LRRC38: variants seen among roughly 807,000 people sequenced by gnomAD.
The protein encoded by LRRC38 is leucine-rich repeat-containing protein 38.
In LRRC38, 5 loss-of-function variants were observed where a neutral mutation model predicts 16.4. That is an observed-to-expected ratio of 0.31 (90% CI 0.16 to 0.64). LRRC38 has a LOEUF of 0.64. LRRC38 is among the 30% of genes least tolerant of loss of function. LRRC38 has a pLI of 0.80. For synonymous variants in LRRC38, 191 were observed against 190.2 expected, an observed-to-expected ratio of 1.00 and a Z score of -0.04; for missense variants, 341 against 401.8, an observed-to-expected ratio of 0.85 and a Z score of 1.29.
intron 1 of LRRC38, among the ~76,000 whole-genome samples, chr1:13,503,689 A>T (rs72646371): frequency 0.03 from 4,511 of 152,260 alleles, 112 homozygotes; most frequent in Non-Finnish European, 0.045. Context: ...TACCTGGGAA[A>T]ATCCACTCTC....
At chr1:13,477,136 G>A (rs1017395065) in intron 1 of LRRC38, among the ~76,000 whole-genome samples, 9 of 152,196 alleles carry the variant, frequency 5.9e-5, no homozygotes, top group Non-Finnish European at 8.8e-5. Context: ...GATGGATTTC[G>A]CCATGTTGCC....
chr1:13,507,598 G>A (rs528348689), intron 1 of LRRC38, among the ~76,000 whole-genome samples: 13 of 151,696 alleles, frequency 8.6e-5, no homozygotes, highest in African/African-American at 2.9e-4. Context: ...TTGCCAGGCC[G>A]AGGTGAGTGG....
At chr1:13,483,597 G>A (rs1021487394) in intron 1 of LRRC38, among the ~76,000 whole-genome samples, 5 of 152,106 alleles carry the variant, frequency 3.3e-5, no homozygotes, top group Non-Finnish European at 7.4e-5. Context: ...CTCCCTGGAT[G>A]CCCTGAAATA....
At chr1:13,498,281 C>T (rs1321375844) in intron 1 of LRRC38, among the ~76,000 whole-genome samples, 1 of 151,750 alleles carries the variant, frequency 6.6e-6, no homozygotes, top group Non-Finnish European at 1.5e-5. Flanking sequence ...TGTGTTTTAG[C>T]GCTTATTTCC....
chr1:13,507,012 T>TTG (rs1351383226), intron 1 of LRRC38, among the ~76,000 whole-genome samples: 2 of 152,216 alleles, frequency 1.3e-5, no homozygotes, highest in African/African-American at 4.8e-5. Flanking sequence ...CTGTCTTATG[T>TTG]TGTTCAGCAA....
chr1:13,493,865 C>T (rs556315697), intron 1 of LRRC38, among the ~76,000 whole-genome samples: 1 of 152,244 alleles, frequency 6.6e-6, no homozygotes, highest in South Asian at 2.1e-4. Context: ...GAGTTTGAGA[C>T]CAACCTGCCC....
At chr1:13,511,545 C>A (rs944909786) in intron 1 of LRRC38, among the ~76,000 whole-genome samples, 2 of 152,098 alleles carry the variant, frequency 1.3e-5, no homozygotes, top group Non-Finnish European at 2.9e-5. Flanking sequence ...ACCTGGAAGA[C>A]AACTGGAGCC....
At chr1:13,510,069 G>A (rs889056966) in intron 1 of LRRC38, among the ~76,000 whole-genome samples, 11 of 152,198 alleles carry the variant, frequency 7.2e-5, no homozygotes, top group Non-Finnish European at 2.9e-5. Flanking sequence ...CCCCACTTTT[G>A]TGTCTTTATC....
intron 1 of LRRC38, among the ~76,000 whole-genome samples, chr1:13,499,821 A>G (rs1424691718): frequency 6.6e-6 from 1 of 152,188 alleles, no homozygotes; most frequent in African/African-American, 2.4e-5. Flanking sequence ...GGTTGCTCGC[A>G]GTAGGTATGC....
In LRRC38 at chr1:13,512,932, T is replaced by TCCCCCCC; in HGVS notation, c.631+30_631+31insGGGGGGG. On this transcript the variant is annotated intron_variant, in intron 1 of 1. Coordinates refer to ENST00000376085, the MANE Select transcript of LRRC38 (RefSeq NM_001010847.2). ...GGTGGCCTCTCCCTGCCCCCCTCCC[T>TCCCCCCC]CCCTCCCCCAGCCTAGCCGGCTCGG... 4 of 495,298 alleles carry TCCCCCCC rather than the reference T, an allele frequency of 8.1e-6. No individual in the cohort carries two copies. In the South Asian group the frequency reaches 8.3e-5, roughly 10 times the overall value. The allele number at this position is 495,298 out of a possible 1,614,324, so 30.7% of individuals were successfully genotyped here. A position where few individuals can be genotyped will look rare whatever the true frequency, so the allele number is the denominator to read the frequency against.
At chr1:13,495,940 C>T (rs1434438315) in intron 1 of LRRC38, among the ~76,000 whole-genome samples, 2 of 152,092 alleles carry the variant, frequency 1.3e-5, no homozygotes, top group Non-Finnish European at 2.9e-5. Flanking sequence ...GAGAGTTGAA[C>T]ATCAATTTTC....
chr1:13,480,017 T>G (rs895348141), intron 1 of LRRC38, among the ~76,000 whole-genome samples: 1 of 152,206 alleles, frequency 6.6e-6, no homozygotes, highest in Non-Finnish European at 1.5e-5. Flanking sequence ...ACCTACCAGA[T>G]GCCAGCAACA....
rs1244166056 is a variant in LRRC38, at chr1:13,481,772, CCTCTCTCCCTCTCTCCCTCTCTCT to C, written c.632-5697_632-5674del. On this transcript the variant is annotated intron_variant, in intron 1 of 1. Coordinates refer to ENST00000376085, the MANE Select transcript of LRRC38 (RefSeq NM_001010847.2). Reference sequence around the variant, plus strand: ...CTCTCACTTTCTTTCCCTCTCTCTCCCTCTCTCCCTCTCTCCCTCTCTCTCTCTCTCTCTCTCTCTCTCTCTCTC... The same window carrying C: ...CTCTCACTTTCTTTCCCTCTCTCTCCCTCTCTCTCTCTCTCTCTCTCTCTC... Among the ~76,000 whole-genome samples, 112 of 30,094 alleles carry C rather than the reference CCTCTCTCCCTCTCTCCCTCTCTCT, an allele frequency of 3.7e-3. 4 individuals carry two copies. The South Asian group carries it at 0.047, about 13-fold the overall frequency. 19.7% of individuals were successfully genotyped at this position (30,094 alleles called of 152,430 possible).
intron 1 of LRRC38, among the ~76,000 whole-genome samples, chr1:13,501,124 TA>T (rs1418665353): frequency 9.9e-5 from 15 of 152,136 alleles, no homozygotes; most frequent in Non-Finnish European, 2.9e-5. Flanking sequence ...GTTTATGCAA[TA>T]TATGGTACTG....
intron 1 of LRRC38, among the ~76,000 whole-genome samples, chr1:13,492,433 G>A (rs1169862419): frequency 6.6e-6 from 1 of 152,152 alleles, no homozygotes; most frequent in Non-Finnish European, 1.5e-5. Flanking sequence ...GGGTGCGGTG[G>A]CTTACGCTTG....
chr1:13,502,341 T>A (rs758802681), intron 1 of LRRC38, among the ~76,000 whole-genome samples: 2 of 152,116 alleles, frequency 1.3e-5, no homozygotes, highest in African/African-American at 2.4e-5. Context: ...TCTGGTCACT[T>A]TTCCAGGGAA....
chr1:13,513,568 G>GC lies in LRRC38; in HGVS notation c.25dup (p.Ala9GlyfsTer126). 1 of 1,211,998 alleles carries GC rather than the reference G, an allele frequency of 8.3e-7. No individual in the cohort carries two copies. The highest frequency in any genetic ancestry group is 1.0e-6 in the Non-Finnish European group (1 of 976,114). The allele number at this position is 1,211,998 out of a possible 1,614,324, so 75.1% of individuals were successfully genotyped here. A position where few individuals can be genotyped will look rare whatever the true frequency, so the allele number is the denominator to read the frequency against. On this transcript the variant is annotated frameshift_variant, in exon 1 of 2. Transcript: ENST00000376085. LOFTEE classifies it high-confidence loss of function. Reference sequence around the variant, plus strand: ...GCTGCAGAGCCCGAGCGCCGCGGCGGCGCAGGCTGGGGCTCGGGGGCGCAT... The same window carrying GC: ...GCTGCAGAGCCCGAGCGCCGCGGCGGCCGCAGGCTGGGGCTCGGGGGCGCAT...
At position 13,487,724 on chromosome 1, in the gene LRRC38, T is replaced by C. The variant is rs1317877031; in HGVS notation, c.632-11625A>G. On this transcript the variant is annotated intron_variant, in intron 1 of 1. Transcript: ENST00000376085. The surrounding 1 kb of genome is among the most constrained non-coding windows in gnomAD (Gnocchi z 4.4). ...GCTGCCATTCTCCAGAAATAGACAG[T>C]GACACAGCGGATGTTAGATTGAGAT... 1.3e-5 allele frequency among the ~76,000 whole-genome samples: 2 copies of C among 152,124 alleles called. No individual in the cohort carries two copies. The highest frequency in any genetic ancestry group is 2.4e-5 in the African/African-American group (1 of 41,438).
At chr1:13,478,384 C>T (rs535077689) in intron 1 of LRRC38, among the ~76,000 whole-genome samples, 33 of 152,344 alleles carry the variant, frequency 2.2e-4, no homozygotes, top group African/African-American at 7.5e-4. Flanking sequence ...ATGTGCATAG[C>T]TTGCCTTTGG....
Sources: allele counts gnomAD v4.1 joint callset (sites outside exome capture counted in the v4.1 genomes callset), GRCh38; gene constraint gnomAD v4.1.1; non-coding constraint Gnocchi (gnomAD v3.1); transcripts MANE v1.5; gene names NCBI Gene and HGNC (gene_info 2026-07-23, HGNC 2026-07-21).